The following TAF3 variants were observed in gnomAD, a reference collection of about 807,000 sequenced individuals.
TAF3 encodes the protein transcription initiation factor TFIID subunit 3.
In TAF3, 7 loss-of-function variants were observed where a neutral mutation model predicts 80.6. The observed-to-expected ratio is 0.09, with a 90% CI of 0.05 to 0.16. TAF3 has a LOEUF of 0.16. Among genes scored for constraint, TAF3 ranks in the 10% least tolerant of loss-of-function variants. The pLI is 1.00. For synonymous variants in TAF3, 444 were observed against 446.1 expected (o/e 1.00, Z 0.06); for missense variants, 921 against 1,140.2 (o/e 0.81, Z 2.77).
At chr10:7,979,307 G>C (rs1345217633) in intron 4 of TAF3, among the ~76,000 whole-genome samples, 1 of 146,706 alleles carries the variant, frequency 6.8e-6, no homozygotes, top group Non-Finnish European at 1.5e-5. Context: ...TCGCGCCACT[G>C]AACTCCAGCC....
chr10:7,865,341 T>C (rs1157544229), intron 2 of TAF3, among the ~76,000 whole-genome samples: 3 of 152,140 alleles, frequency 2.0e-5, no homozygotes, highest in Non-Finnish European at 4.4e-5. Flanking sequence ...TAGCCAGGTA[T>C]GGTGGCGGGC....
At chr10:7,854,964 C>T (rs1297955448) in intron 2 of TAF3, among the ~76,000 whole-genome samples, 2 of 152,184 alleles carry the variant, frequency 1.3e-5, no homozygotes, top group Non-Finnish European at 2.9e-5. Flanking sequence ...TTCACCTAAG[C>T]TCCCTTATGT....
intron 4 of TAF3, among the ~76,000 whole-genome samples, chr10:8,005,652 G>A (rs755056660): frequency 3.9e-5 from 6 of 152,152 alleles, no homozygotes; most frequent in African/African-American, 1.2e-4. Flanking sequence ...TACCTCTCAG[G>A]GTTCCTGCTT....
intron 2 of TAF3, among the ~76,000 whole-genome samples, chr10:7,919,242 G>A (rs921263248): frequency 6.6e-6 from 1 of 152,198 alleles, no homozygotes; most frequent in Non-Finnish European, 1.5e-5. Context: ...TATCGGTCTT[G>A]ATTATCTCCT....
chr10:7,934,552 C>G (rs966019223), intron 2 of TAF3, among the ~76,000 whole-genome samples: 1 of 152,166 alleles, frequency 6.6e-6, no homozygotes, highest in African/African-American at 2.4e-5. Flanking sequence ...TCAAGCGATT[C>G]TCCTGCCTCA....
chr10:8,006,889 G>A lies in TAF3; in HGVS notation c.2316-2189G>A, dbSNP rs897095160. ...TTTTGAAGTGTTTCTCCACATTGAG[G>A]TTCTCACTACAACCCTCTGAGGCCA... On this transcript the variant is annotated intron_variant, in intron 4 of 6. Transcript: ENST00000344293. Among the ~76,000 whole-genome samples the A allele has an allele frequency of 3.3e-5, 5 of 152,280 alleles. No individual in the cohort carries two copies. The East Asian group carries it at 9.6e-4, about 29-fold the overall frequency.
chr10:7,977,125 C>G, intron 3 of TAF3, 116 bp from the exon 4 acceptor site: 10 of 889,556 alleles, frequency 1.1e-5, no homozygotes, highest in Non-Finnish European at 1.8e-5. Context: ...AAATTTTAGC[C>G]ATATTTAAGG....
chr10:7,843,905 A>G (rs1836943773), intron 2 of TAF3, among the ~76,000 whole-genome samples: 1 of 152,156 alleles, frequency 6.6e-6, no homozygotes, highest in Non-Finnish European at 1.5e-5. Context: ...AGTATAAATA[A>G]GAAAACGGAC....
intron 4 of TAF3, among the ~76,000 whole-genome samples, chr10:7,987,780 G>T (rs916508541): frequency 6.6e-6 from 1 of 152,156 alleles, no homozygotes; most frequent in Non-Finnish European, 1.5e-5. Flanking sequence ...CTTCTCCCTC[G>T]TGGGCCTGTG....
At chr10:7,958,696 A>G (rs1167109053) in intron 2 of TAF3, among the ~76,000 whole-genome samples, 1 of 152,228 alleles carries the variant, frequency 6.6e-6, no homozygotes, top group African/African-American at 2.4e-5. Flanking sequence ...CTTCTGAAGC[A>G]GGCGATGGCC....
intron 2 of TAF3, among the ~76,000 whole-genome samples, chr10:7,867,872 A>G (rs1185251343): frequency 2.6e-5 from 4 of 152,238 alleles, no homozygotes; most frequent in African/African-American, 9.6e-5. Flanking sequence ...AGCCTTACCA[A>G]TAATGTAAAC....
At chr10:7,859,297 A>C (rs1837119350) in intron 2 of TAF3, among the ~76,000 whole-genome samples, 1 of 149,994 alleles carries the variant, frequency 6.7e-6, no homozygotes, top group Non-Finnish European at 1.5e-5. Flanking sequence ...TAAATAAATA[A>C]ATAAATAAAT....
intron 2 of TAF3, among the ~76,000 whole-genome samples, chr10:7,827,874 T>G (rs1291880300): frequency 6.6e-6 from 1 of 151,954 alleles, no homozygotes; most frequent in Non-Finnish European, 1.5e-5. Context: ...GGAGGATCAG[T>G]TGAGCCCAGG....
rs117549156 is a variant in TAF3, at chr10:8,001,836, C to T, written c.2316-7242C>T. 1.2e-4 allele frequency among the ~76,000 whole-genome samples: 19 copies of T among 152,168 alleles called. No homozygotes were observed. In the East Asian group the frequency reaches 3.5e-3, roughly 28 times the overall value. On this transcript the variant is annotated intron_variant, in intron 4 of 6. Coordinates refer to ENST00000344293, the MANE Select transcript of TAF3 (RefSeq NM_031923.4). ...TTGAGCTAATTCTCAATTGCACATG[C>T]GTAATTATTGCATAGTAAAGCACAT...
intron 2 of TAF3, among the ~76,000 whole-genome samples, chr10:7,892,120 A>G (rs1449157227): frequency 6.6e-6 from 1 of 152,226 alleles, no homozygotes; most frequent in South Asian, 2.1e-4. Flanking sequence ...AACTTTATGC[A>G]TTACAAAATT....
chr10:7,854,044 G>A (rs972647113), intron 2 of TAF3, among the ~76,000 whole-genome samples: 2 of 152,080 alleles, frequency 1.3e-5, no homozygotes, highest in African/African-American at 4.8e-5. Context: ...ACAATCATTC[G>A]CCCCACTCAG....
At chr10:7,836,826 G>A (rs1836856226) in intron 2 of TAF3, among the ~76,000 whole-genome samples, 1 of 152,116 alleles carries the variant, frequency 6.6e-6, no homozygotes, top group Admixed American at 6.5e-5. Context: ...GAAACTATTA[G>A]ACAAAAAATT....
At chr10:7,827,413 T>G (rs1221600375) in intron 2 of TAF3, among the ~76,000 whole-genome samples, 1 of 152,112 alleles carries the variant, frequency 6.6e-6, no homozygotes, top group African/African-American at 2.4e-5. Flanking sequence ...GCTTATGCAC[T>G]TTGGGAGGCT....
At chr10:7,904,644 A>G (rs1837590424) in intron 2 of TAF3, among the ~76,000 whole-genome samples, 1 of 152,230 alleles carries the variant, frequency 6.6e-6, no homozygotes, top group Non-Finnish European at 1.5e-5. Context: ...GAAAGTTAGA[A>G]TAAACAGGAG....
Sources: allele counts gnomAD v4.1 joint callset (sites outside exome capture counted in the v4.1 genomes callset), GRCh38; gene constraint gnomAD v4.1.1; transcripts MANE v1.5; gene names NCBI Gene and HGNC (gene_info 2026-07-23, HGNC 2026-07-21).